The following KLHL1 variants were observed in gnomAD, a reference collection of about 807,000 sequenced individuals.
The protein encoded by KLHL1 is kelch like family member 1, also known as kelch-like protein 1.
KLHL1 carries 47 observed loss-of-function variants against 77.7 expected under a neutral mutation model. The observed-to-expected ratio is 0.60, with a 90% CI of 0.48 to 0.77. The LOEUF (loss-of-function observed/expected upper bound fraction) is 0.77. KLHL1 is among the 30% of genes least tolerant of loss of function. The probability of loss-of-function intolerance (pLI) is 0.00; values close to 1 mark genes in which losing one functional copy is unlikely to be tolerated. For synonymous variants in KLHL1, 360 were observed against 325.2 expected (o/e 1.11, Z -1.15); for missense variants, 925 against 910.8 (o/e 1.02, Z -0.20).
At chr13:69,800,364 CG>C (rs1425774648) in intron 6 of KLHL1, among the ~76,000 whole-genome samples, 1 of 151,798 alleles carries the variant, frequency 6.6e-6, no homozygotes, top group African/African-American at 2.4e-5. Flanking sequence ...TTTTTCTGGG[CG>C]GGGTGGAGGG....
intron 4 of KLHL1, among the ~76,000 whole-genome samples, chr13:69,927,934 G>A (rs1017836725): frequency 1.2e-4 from 19 of 152,160 alleles, no homozygotes; most frequent in African/African-American, 4.1e-4. Context: ...ACTTGTATAT[G>A]AATGTTCATA....
chr13:69,785,325 C>G (rs965897807), intron 7 of KLHL1, among the ~76,000 whole-genome samples: 7 of 152,170 alleles, frequency 4.6e-5, no homozygotes, highest in African/African-American at 1.7e-4. Flanking sequence ...ACAGTGCAAT[C>G]AAACTAGAAC....
chr13:69,996,220 T>C (rs1440895825), intron 1 of KLHL1, among the ~76,000 whole-genome samples: 1 of 151,996 alleles, frequency 6.6e-6, no homozygotes, highest in Non-Finnish European at 1.5e-5. Context: ...GGAGAATCGC[T>C]TGAACCAGGT....
intron 7 of KLHL1, among the ~76,000 whole-genome samples, chr13:69,773,383 C>T (rs1875671013): frequency 6.6e-6 from 1 of 152,056 alleles, no homozygotes; most frequent in Non-Finnish European, 1.5e-5. Context: ...TTTGCTCTCT[C>T]CTCTATGTCC....
intron 5 of KLHL1, among the ~76,000 whole-genome samples, chr13:69,857,012 A>G (rs767653052): frequency 6.6e-6 from 1 of 152,142 alleles, no homozygotes; most frequent in Admixed American, 6.6e-5. Flanking sequence ...TCCCTGAATA[A>G]TACCTTTAAT....
intron 2 of KLHL1, among the ~76,000 whole-genome samples, chr13:69,967,953 GAA>G (rs1234864540): frequency 2.6e-5 from 4 of 151,886 alleles, no homozygotes; most frequent in African/African-American, 9.7e-5. Context: ...CAGTAGGGTT[GAA>G]GAGAAAATTG....
intron 5 of KLHL1, among the ~76,000 whole-genome samples, chr13:69,864,919 TAGGAA>T (rs1880313696): frequency 6.6e-6 from 1 of 152,054 alleles, no homozygotes; most frequent in African/African-American, 2.4e-5. Flanking sequence ...AAGTCTTTCT[TAGGAA>T]AGTGAATCTT....
intron 6 of KLHL1, among the ~76,000 whole-genome samples, chr13:69,836,552 C>T (rs769358177): frequency 1.6e-4 from 24 of 151,956 alleles, no homozygotes; most frequent in Non-Finnish European, 3.1e-4. Context: ...TCCTCACAAA[C>T]GCTAACTCTT....
intron 4 of KLHL1, among the ~76,000 whole-genome samples, chr13:69,919,463 T>C (rs528325742): frequency 1.8e-4 from 27 of 152,302 alleles, no homozygotes; most frequent in African/African-American, 6.3e-4. Flanking sequence ...ATTGCTGATG[T>C]ATGTTTCTTT....
At chr13:70,036,390 C>A (rs938516166) in intron 1 of KLHL1, among the ~76,000 whole-genome samples, 1 of 151,778 alleles carries the variant, frequency 6.6e-6, no homozygotes. Flanking sequence ...TTTTAAATTA[C>A]CTTTTGTAGT....
rs2137264684 is a variant in KLHL1 at position 69,957,660 on chromosome 13, G to A, written c.817+3648C>T. ...GAAAAACTGATATACAATTTTATAA[G>A]TACTGATATACAATCTGAATTCCAA... On this transcript the variant is annotated intron_variant, in intron 3 of 10. Transcript: ENST00000377844. Among the ~76,000 whole-genome samples the A allele has an allele frequency of 2.0e-5, 3 of 151,698 alleles. No homozygotes were observed. The South Asian group carries it at 6.2e-4, about 31-fold the overall frequency.
At chr13:69,948,523 G>C (rs947049802) in intron 3 of KLHL1, among the ~76,000 whole-genome samples, 1 of 151,934 alleles carries the variant, frequency 6.6e-6, no homozygotes, top group African/African-American at 2.4e-5. Flanking sequence ...TTTAAATAGG[G>C]TTCCAATAAG....
chr13:70,074,537 C>A (rs1031150656), intron 1 of KLHL1, among the ~76,000 whole-genome samples: 1 of 151,936 alleles, frequency 6.6e-6, no homozygotes, highest in African/African-American at 2.4e-5. Flanking sequence ...AAAGGGGACA[C>A]AGGTATTAGA....
At chr13:69,799,778 T>C (rs528848036) in intron 6 of KLHL1, among the ~76,000 whole-genome samples, 1 of 152,228 alleles carries the variant, frequency 6.6e-6, no homozygotes, top group East Asian at 1.9e-4. Context: ...TTCTATCTTC[T>C]AGAACAAGGG....
At chr13:69,930,188 T>C (rs764145946) in intron 4 of KLHL1, among the ~76,000 whole-genome samples, 1 of 151,890 alleles carries the variant, frequency 6.6e-6, no homozygotes, top group African/African-American at 2.4e-5. Flanking sequence ...ATTTCTGCCT[T>C]CATGAGATAA....
chr13:69,851,484 C>T, intron 5 of KLHL1, among the ~76,000 whole-genome samples: 1 of 151,718 alleles, frequency 6.6e-6, no homozygotes, highest in South Asian at 2.1e-4. Flanking sequence ...ATCTGTATCA[C>T]TGGATTAATT....
At position 70,093,117 on chromosome 13, in the gene KLHL1, T is replaced by A. The variant is rs115180315; in HGVS notation, c.497+14086A>T. 6.7e-3 allele frequency among the ~76,000 whole-genome samples: 1,027 copies of A among 152,316 alleles called. 15 individuals carry two copies. Among genetic ancestry groups the A allele is most frequent in the African/African-American group, 0.023 (953 of 41,576 alleles). On this transcript the variant is annotated intron_variant, in intron 1 of 10. Coordinates refer to ENST00000377844, the MANE Select transcript of KLHL1 (RefSeq NM_020866.3). ...CCTTAAAACATGAAAATAAGCTATA[T>A]GATGCGCTATTATGTAATTATGTGA...
chr13:69,882,814 A>G (rs1045164349), intron 4 of KLHL1, among the ~76,000 whole-genome samples: 2 of 152,212 alleles, frequency 1.3e-5, no homozygotes, highest in African/African-American at 4.8e-5. Context: ...GTGAATAGGA[A>G]AAAATAACAT....
chr13:69,933,508 C>T (rs528688584), intron 4 of KLHL1, among the ~76,000 whole-genome samples: 1 of 152,006 alleles, frequency 6.6e-6, no homozygotes, highest in African/African-American at 2.4e-5. Context: ...TGATCACAAA[C>T]CACATTGATA....
Sources: allele counts gnomAD v4.1 joint callset (sites outside exome capture counted in the v4.1 genomes callset), GRCh38; gene constraint gnomAD v4.1.1; transcripts MANE v1.5; gene names NCBI Gene and HGNC (gene_info 2026-07-23, HGNC 2026-07-21).